Variants in LPAR3 observed in about 807,000 individuals in gnomAD.
The protein encoded by LPAR3 is LPA receptor 3.
LPAR3 carries 7 observed loss-of-function variants against 17.8 expected under a neutral mutation model. The observed-to-expected ratio is 0.39, with a 90% CI of 0.22 to 0.74. The LOEUF (loss-of-function observed/expected upper bound fraction) is 0.74. LPAR3 is among the 30% of genes least tolerant of loss of function. The pLI, the probability that LPAR3 is intolerant of heterozygous loss-of-function variation, is 0.40. For synonymous variants in LPAR3, 179 were observed against 179.9 expected (o/e 0.99, Z 0.04); for missense variants, 391 against 453.4 (o/e 0.86, Z 1.25).
chr1:84,885,296 A>C (rs891346470), intron 1 of LPAR3, among the ~76,000 whole-genome samples: 5 of 152,208 alleles, frequency 3.3e-5, no homozygotes, highest in African/African-American at 9.7e-5. Context: ...TACAGGGTTA[A>C]GTGTGGCAGA....
intron 2 of LPAR3, among the ~76,000 whole-genome samples, chr1:84,824,620 C>G (rs994280643): frequency 2.0e-5 from 3 of 152,122 alleles, no homozygotes; most frequent in African/African-American, 4.8e-5. Context: ...TGATATGACC[C>G]AACAGGATTT....
At chr1:84,861,588 G>A (rs139583314) in intron 2 of LPAR3, among the ~76,000 whole-genome samples, 231 of 152,312 alleles carry the variant, frequency 1.5e-3, no homozygotes, top group African/African-American at 5.4e-3. Context: ...GATCACCCTT[G>A]TAGAAAATGA....
At chr1:84,874,899 AT>A (rs11310847) in intron 1 of LPAR3, among the ~76,000 whole-genome samples, 63,775 of 137,030 alleles carry the variant, frequency 0.47, 14,173 homozygotes, top group Non-Finnish European at 0.52. Flanking sequence ...GAGAATGTCA[AT>A]TTTTTTTTTT....
In LPAR3 at chr1:84,851,041, A is replaced by G. The variant is rs559366987; in HGVS notation, c.736+14344T>C. ...GGGAGCCTTTACCACAACTTGATATATGACCTGGGGCAGGTTTCCATCTCT... is the reference window on the plus strand; with the variant it reads ...GGGAGCCTTTACCACAACTTGATATGTGACCTGGGGCAGGTTTCCATCTCT... On this transcript the variant is annotated intron_variant, in intron 2 of 2. Transcript: ENST00000370611. 2.3e-3 allele frequency among the ~76,000 whole-genome samples: 347 copies of G among 152,300 alleles called. 7 individuals are homozygous for G. The highest frequency in any genetic ancestry group is 1.9e-3 in the Non-Finnish European group (127 of 68,020).
intron 1 of LPAR3, among the ~76,000 whole-genome samples, chr1:84,881,044 T>C (rs921632726): frequency 6.6e-6 from 1 of 152,224 alleles, no homozygotes; most frequent in African/African-American, 2.4e-5. Context: ...GGTGGTTTTC[T>C]TGTTTCTACT....
chr1:84,817,763 C>T (rs1438776639), intron 2 of LPAR3, among the ~76,000 whole-genome samples: 1 of 151,092 alleles, frequency 6.6e-6, no homozygotes, highest in African/African-American at 2.4e-5. Flanking sequence ...GGATTCCTTC[C>T]CTCCTTCCAT....
chr1:84,889,664 G>A (rs765973256), intron 1 of LPAR3, among the ~76,000 whole-genome samples: 27 of 152,198 alleles, frequency 1.8e-4, no homozygotes, highest in Non-Finnish European at 3.4e-4. Context: ...CCAGTATGAT[G>A]TCAGAGGACG....
rs570958464 is a variant in LPAR3, at chr1:84,877,687, T to C, written c.-18-11549A>G. On this transcript the variant is annotated intron_variant, in intron 1 of 2. Coordinates refer to ENST00000370611, the MANE Select transcript of LPAR3 (RefSeq NM_012152.3). ...GTTACATTGATGCTCCTAAAATGGATTTTTATTTACTAGATTCGGACTCTC... is the reference window on the plus strand; with the variant it reads ...GTTACATTGATGCTCCTAAAATGGACTTTTATTTACTAGATTCGGACTCTC... Among the ~76,000 whole-genome samples the C allele has an allele frequency of 5.3e-5, 8 of 152,334 alleles. No individual in the cohort carries two copies. The South Asian group carries it at 1.0e-3, about 20-fold the overall frequency.
rs564309638 is a variant in LPAR3 at position 84,878,537 on chromosome 1, T to C, written c.-18-12399A>G. On this transcript the variant is annotated intron_variant, in intron 1 of 2. Coordinates refer to ENST00000370611, the MANE Select transcript of LPAR3 (RefSeq NM_012152.3). ...TCACGCCTTCTCTTTCATGCTAAGCTACCACTTGCATGTCAGGAACCCAAT... is the reference window on the plus strand; with the variant it reads ...TCACGCCTTCTCTTTCATGCTAAGCCACCACTTGCATGTCAGGAACCCAAT... Among the ~76,000 whole-genome samples the C allele has an allele frequency of 1.2e-4, 18 of 152,280 alleles. No individual in the cohort carries two copies. The South Asian group carries it at 3.5e-3, about 30-fold the overall frequency.
chr1:84,857,673 G>A (rs1659854485), intron 2 of LPAR3, among the ~76,000 whole-genome samples: 1 of 152,174 alleles, frequency 6.6e-6, no homozygotes, highest in Non-Finnish European at 1.5e-5. Flanking sequence ...GGAGATACAA[G>A]TTATAAACTT....
chr1:84,831,517 TTA>T (rs749343752), intron 2 of LPAR3, among the ~76,000 whole-genome samples: 207 of 144,036 alleles, frequency 1.4e-3, no homozygotes, highest in African/African-American at 5.0e-3. Flanking sequence ...TTACATTGCA[TTA>T]TATATATATC....
chr1:84,849,710 G>A (rs1659666784), intron 2 of LPAR3, among the ~76,000 whole-genome samples: 1 of 152,166 alleles, frequency 6.6e-6, no homozygotes. Context: ...CGAGCCTGGT[G>A]ATAAGGAGTC....
chr1:84,892,230 T>G lies in LPAR3; in HGVS notation c.-19+786A>C, dbSNP rs867089687. Among the ~76,000 whole-genome samples the G allele has an allele frequency of 9.7e-3, 1,394 of 144,312 alleles. 19 individuals carry two copies. The highest frequency in any genetic ancestry group is 0.034 in the African/African-American group (1,292 of 38,552). The allele number at this position is 144,312 out of a possible 152,430, so 94.7% of individuals were successfully genotyped here. A position where few individuals can be genotyped will look rare whatever the true frequency, so the allele number is the denominator to read the frequency against. ...TGTGTCTCAAAAATAAATAAATAAA[T>G]AAATAAATAAATAAATAAATAAATA... On this transcript the variant is annotated intron_variant, in intron 1 of 2. Transcript: ENST00000370611.
chr1:84,814,099 C>T lies in LPAR3; in HGVS notation c.809G>A (p.Gly270Asp). ...GAACCACCTTTTCACATGCTGCACG[C>T]CACACTGCCTGCAGTTCAGGCCGTC... ...LLDGLNCRQC[G>D]VQHVKRWFLL... The change falls in exon 3 of 3, where the codon GGC becomes GAC. Residue 270 changes from glycine (G) to aspartate (D), a missense_variant. Gly to Asp is a moderately conservative substitution (Grantham distance 94). Transcript: ENST00000370611. 6.2e-7 allele frequency: 1 copy of T among 1,614,164 alleles called. No individual in the cohort carries two copies. Among genetic ancestry groups the T allele is most frequent in the Non-Finnish European group, 8.5e-7 (1 of 1,180,034 alleles).
chr1:84,848,261 A>G (rs562381302), intron 2 of LPAR3, among the ~76,000 whole-genome samples: 1 of 152,246 alleles, frequency 6.6e-6, no homozygotes, highest in African/African-American at 2.4e-5. Flanking sequence ...CTTCACCTTA[A>G]ATGCAGGTCC....
At chr1:84,827,809 C>T (rs889987113) in intron 2 of LPAR3, among the ~76,000 whole-genome samples, 27 of 152,122 alleles carry the variant, frequency 1.8e-4, no homozygotes, top group East Asian at 1.9e-4. Context: ...GTTCAGAGGA[C>T]ATTTTCTACC....
chr1:84,876,598 T>C (rs1298431161), intron 1 of LPAR3, among the ~76,000 whole-genome samples: 2 of 152,108 alleles, frequency 1.3e-5, no homozygotes, highest in African/African-American at 4.8e-5. Flanking sequence ...CACTGTACCA[T>C]CTCTTGTTGG....
chr1:84,814,206 G>T, intron 2 of LPAR3, 35 bp from the exon 3 acceptor site: 1 of 1,538,852 alleles, frequency 6.5e-7, no homozygotes, highest in South Asian at 1.1e-5. Context: ...CAGATGCTCA[G>T]ACCTTAGGGG....
intron 2 of LPAR3, among the ~76,000 whole-genome samples, chr1:84,864,828 T>A (rs192347887): frequency 6.6e-6 from 1 of 152,044 alleles, no homozygotes; most frequent in Non-Finnish European, 1.5e-5. Flanking sequence ...GAAGTCCTTA[T>A]AACCACATGA....
Sources: allele counts gnomAD v4.1 joint callset (sites outside exome capture counted in the v4.1 genomes callset), GRCh38; gene constraint gnomAD v4.1.1; transcripts MANE v1.5; gene names NCBI Gene and HGNC (gene_info 2026-07-23, HGNC 2026-07-21).